LMBRD1: variants seen among roughly 807,000 people sequenced by gnomAD.
LMBRD1 encodes the protein LMBR1 domain containing 1.
LMBRD1 carries 64 observed loss-of-function variants against 74.8 expected under a neutral mutation model. The ratio of observed to expected loss-of-function variants is 0.86; its 90% CI spans 0.70 to 1.05. LMBRD1 has a LOEUF of 1.05. Among genes scored for constraint, LMBRD1 ranks in the 50% least tolerant of loss-of-function variants. The probability of loss-of-function intolerance (pLI) is 0.00; values close to 1 mark genes in which losing one functional copy is unlikely to be tolerated. For synonymous variants in LMBRD1, 204 were observed against 216.3 expected, an observed-to-expected ratio of 0.94 and a Z score of 0.50; for missense variants, 652 against 645.9, an observed-to-expected ratio of 1.01 and a Z score of -0.10.
At chr6:69,705,583 A>C in intron 9 of LMBRD1, 2 of 1,175,230 alleles carry the variant, frequency 1.7e-6, no homozygotes, top group Non-Finnish European at 2.5e-6. Context: ...GGAGTATCTC[A>C]TATAGATTTC....
intron 1 of LMBRD1, 40 bp from the exon 2 acceptor site, chr6:69,790,512 G>A (rs762052194): frequency 1.3e-5 from 21 of 1,581,654 alleles, no homozygotes; most frequent in Non-Finnish European, 1.2e-5. Context: ...ACTACCCAGT[G>A]TATTTTCTCT....
chr6:69,718,559 C>G (rs9342768), intron 8 of LMBRD1, among the ~76,000 whole-genome samples: 86,330 of 152,014 alleles, frequency 0.57, 25,023 homozygotes, highest in East Asian at 0.73. Flanking sequence ...CGCAGGGCTG[C>G]GAGGCCTCAG....
At chr6:69,744,485 T>C (rs1767175206) in intron 5 of LMBRD1, among the ~76,000 whole-genome samples, 1 of 152,218 alleles carries the variant, frequency 6.6e-6, no homozygotes, top group African/African-American at 2.4e-5. Context: ...AAAAACTGCT[T>C]AGTAAAAATA....
chr6:69,677,229 C>A (rs1466866654), intron 14 of LMBRD1, among the ~76,000 whole-genome samples: 2 of 152,152 alleles, frequency 1.3e-5, no homozygotes, highest in East Asian at 3.8e-4. Context: ...GGAAAGCCAG[C>A]AAGGTCTGTA....
intron 3 of LMBRD1, among the ~76,000 whole-genome samples, chr6:69,766,947 A>T (rs2502542): frequency 0.062 from 9,406 of 151,854 alleles, 394 homozygotes; most frequent in Non-Finnish European, 0.094. Context: ...AATTGATTCA[A>T]TTGGAAAATT....
chr6:69,768,416 T>C (rs1006281319), intron 3 of LMBRD1, among the ~76,000 whole-genome samples: 4 of 151,862 alleles, frequency 2.6e-5, no homozygotes, highest in Non-Finnish European at 5.9e-5. Flanking sequence ...TTTATCACAA[T>C]TTACCTTCAA....
At position 69,686,354 on chromosome 6, in the gene LMBRD1, T is replaced by C. The variant is rs528419421; in HGVS notation, c.1418-9813A>G. 4.6e-5 allele frequency among the ~76,000 whole-genome samples: 7 copies of C among 152,254 alleles called. No homozygotes were observed. In the South Asian group the frequency reaches 1.2e-3, roughly 27 times the overall value. On this transcript the variant is annotated intron_variant, in intron 14 of 15. Coordinates refer to ENST00000649934, the MANE Select transcript of LMBRD1 (RefSeq NM_018368.4). Reference sequence around the variant, plus strand: ...ACATACCACATCACAGCTACACACATGCTTTCATCCATAATGTTCAATAAC... The same window carrying C: ...ACATACCACATCACAGCTACACACACGCTTTCATCCATAATGTTCAATAAC...
At chr6:69,748,666 T>C (rs886643720) in intron 5 of LMBRD1, among the ~76,000 whole-genome samples, 2 of 148,984 alleles carry the variant, frequency 1.3e-5, no homozygotes, top group Admixed American at 6.6e-5. Flanking sequence ...TAACTCCTAA[T>C]ATATTTCCTA....
chr6:69,749,098 T>C (rs999849224), intron 5 of LMBRD1, among the ~76,000 whole-genome samples: 1 of 151,990 alleles, frequency 6.6e-6, no homozygotes, highest in Non-Finnish European at 1.5e-5. Flanking sequence ...AAAAAGCATG[T>C]AGAATGCATG....
chr6:69,677,246 G>C (rs988378751), intron 14 of LMBRD1, among the ~76,000 whole-genome samples: 1 of 152,136 alleles, frequency 6.6e-6, no homozygotes, highest in Non-Finnish European at 1.5e-5. Flanking sequence ...TGTATGTTCA[G>C]ATTCTTCCTG....
intron 5 of LMBRD1, among the ~76,000 whole-genome samples, chr6:69,742,596 T>C (rs947877730): frequency 6.6e-6 from 1 of 152,116 alleles, no homozygotes; most frequent in African/African-American, 2.4e-5. Context: ...GAGCTGGGTA[T>C]CCCTTAGGTT....
intron 12 of LMBRD1, among the ~76,000 whole-genome samples, chr6:69,699,857 T>A (rs1419943932): frequency 6.6e-6 from 1 of 151,862 alleles, no homozygotes; most frequent in Non-Finnish European, 1.5e-5. Flanking sequence ...GGGATGACAA[T>A]AAGATCATTC....
At chr6:69,743,784 C>T (rs1459966177) in intron 5 of LMBRD1, among the ~76,000 whole-genome samples, 2 of 151,964 alleles carry the variant, frequency 1.3e-5, no homozygotes, top group Non-Finnish European at 2.9e-5. Flanking sequence ...CAACACAGAC[C>T]CTGGCCTTAA....
chr6:69,674,229 C>A lies in LMBRD1; in HGVS notation c.*1929G>T, dbSNP rs779880758. On this transcript the variant is annotated 3_prime_UTR_variant, in exon 16 of 16. Coordinates refer to ENST00000649934, the MANE Select transcript of LMBRD1 (RefSeq NM_018368.4). ...CCAGTCATATTGGATTTGGGCTTCA[C>A]GCAATAGCCTCATTTTACTTTAATT... Among the ~76,000 whole-genome samples the A allele has an allele frequency of 6.6e-6, 1 of 152,144 alleles. No homozygotes were observed. Among genetic ancestry groups the A allele is most frequent in the African/African-American group, 2.4e-5 (1 of 41,440 alleles).
At chr6:69,789,664 A>G (rs550957973) in intron 2 of LMBRD1, among the ~76,000 whole-genome samples, 85 of 152,280 alleles carry the variant, frequency 5.6e-4, no homozygotes, top group African/African-American at 1.7e-3. Context: ...TCAAATATTT[A>G]AGTACTAAAG....
rs761255916 is a variant in LMBRD1 at position 69,701,894 on chromosome 6, CAAG to C, written c.972_974del (p.Phe324del). On this transcript the variant is annotated inframe_deletion, in exon 10 of 16. Transcript: ENST00000649934. ...AATGTGTCTACTGTACTTACTTTGA[CAAG>C]AAGAGAGAAATTACAAACAGCAATG... is the stretch of plus-strand genomic sequence containing the variant. 3.1e-5 allele frequency: 49 copies of C among 1,592,416 alleles called. No homozygotes were observed. The highest frequency in any genetic ancestry group is 1.1e-4 in the East Asian group (5 of 44,534).
chr6:69,737,738 TTC>T (rs1216248526), intron 7 of LMBRD1, among the ~76,000 whole-genome samples: 1 of 151,656 alleles, frequency 6.6e-6, no homozygotes, highest in Non-Finnish European at 1.5e-5. Flanking sequence ...GTTATAAAAT[TTC>T]TGATTATGAA....
Position 69,713,515 on chromosome 6 carries a change from C to A in LMBRD1, c.915+130G>T, listed in dbSNP as rs62408990. On this transcript the variant is annotated intron_variant, in intron 9 of 15. Transcript: ENST00000649934. ...TACCAAAGAGAGCTGTGATTTAAAA[C>A]CAGATTAAACCCCCAAATCCATTTT... 0.024 allele frequency: 21,817 copies of A among 899,122 alleles called. 339 individuals are homozygous for A. The highest frequency in any genetic ancestry group is 0.03 in the Non-Finnish European group (17,914 of 588,328). 55.7% of individuals were successfully genotyped at this position (899,122 alleles called of 1,614,324 possible). A position where few individuals can be genotyped will look rare whatever the true frequency, so the allele number is the denominator to read the frequency against.
At chr6:69,771,209 C>T (rs1283637009) in intron 3 of LMBRD1, among the ~76,000 whole-genome samples, 1 of 152,160 alleles carries the variant, frequency 6.6e-6, no homozygotes, top group African/African-American at 2.4e-5. Flanking sequence ...AAGATGTTAG[C>T]CAATGCAGCA....
Sources: gnomAD v4.1 joint callset for allele counts (sites outside exome capture counted in the v4.1 genomes callset) on GRCh38, gnomAD v4.1.1 for gene constraint, MANE v1.5 for transcripts, NCBI Gene and HGNC (gene_info 2026-07-23, HGNC 2026-07-21) for gene names.